The following PEPD variants were observed in gnomAD, a reference collection of about 807,000 sequenced individuals.
The protein encoded by PEPD is xaa-Pro dipeptidase.
Under a neutral mutation model 60.7 loss-of-function variants are expected in PEPD, and 53 were observed. That is an observed-to-expected ratio of 0.87 (90% CI 0.70 to 1.10). The LOEUF (loss-of-function observed/expected upper bound fraction) is 1.10. Among genes scored for constraint, PEPD ranks in the 50% least tolerant of loss-of-function variants. The pLI is 0.00. For missense variants in PEPD, 711 were observed against 711.9 expected, an observed-to-expected ratio of 1.00 and a Z score of 0.01; for synonymous variants, 267 against 284.1, an observed-to-expected ratio of 0.94 and a Z score of 0.60.
chr19:33,492,043 CAAAAAA>C (rs757173823), intron 5 of PEPD, among the ~76,000 whole-genome samples: 3 of 81,560 alleles, frequency 3.7e-5, no homozygotes, highest in African/African-American at 8.5e-5. Context: ...TATTCCATTT[CAAAAAA>C]AAAAAAAAAA....
chr19:33,493,280 A>G lies in PEPD; in HGVS notation c.441+10T>C. 2 of 1,604,240 alleles carry G rather than the reference A, an allele frequency of 1.2e-6. No individual in the cohort carries two copies. Among genetic ancestry groups the G allele is most frequent in the South Asian group, 2.2e-5 (2 of 90,784 alleles). On this transcript the variant is annotated intron_variant, in intron 5 of 14. Transcript: ENST00000244137. ...AAGCACTGCCCCACCCCTGGACACC[A>G]GCCACTTACCAAAGTGAGGAGGACA... is the stretch of plus-strand genomic sequence containing the variant.
chr19:33,392,645 G>A (rs1009476454), intron 12 of PEPD, among the ~76,000 whole-genome samples: 3 of 152,230 alleles, frequency 2.0e-5, no homozygotes, highest in African/African-American at 7.2e-5. Context: ...ACCAGGCGGA[G>A]TGACCTTGGC....
chr19:33,405,680 G>A (rs1267458983), intron 11 of PEPD, among the ~76,000 whole-genome samples: 2 of 152,268 alleles, frequency 1.3e-5, no homozygotes, highest in Non-Finnish European at 2.9e-5. Context: ...CTTCCGTGGA[G>A]TGCCAAGCTC....
At chr19:33,393,552 G>A (rs1012688566) in intron 12 of PEPD, among the ~76,000 whole-genome samples, 1 of 124,384 alleles carries the variant, frequency 8.0e-6, no homozygotes, top group African/African-American at 3.9e-5. Flanking sequence ...GCTGCCGCTG[G>A]TCAAACAAAC....
At position 33,387,464 on chromosome 19, in the gene PEPD, G is replaced by A. The variant is rs772139535; in HGVS notation, c.1362C>T (p.Asp454=). 2.5e-6 allele frequency: 4 copies of A among 1,613,718 alleles called. No individual in the cohort carries two copies. The highest frequency in any genetic ancestry group is 2.2e-5 in the South Asian group (2 of 91,082). The change falls in exon 15 of 15, where the codon GAC becomes GAT. Residue 454 remains aspartate (D), a synonymous_variant. Transcript: ENST00000244137. ...RGFGGVRIEE[D]VVVTDSGIEL... ...CTATGCCGCTGTCAGTCACCACGAC[G>A]TCCTCCTCGATGCGGACCTGGGTCA...
chr19:33,453,746 T>A lies in PEPD; in HGVS notation c.671+9249A>T, dbSNP rs149841202. 1.4e-3 allele frequency among the ~76,000 whole-genome samples: 212 copies of A among 152,330 alleles called. 1 individual carries two copies. Among genetic ancestry groups the A allele is most frequent in the African/African-American group, 4.3e-3 (180 of 41,564 alleles). On this transcript the variant is annotated intron_variant, in intron 9 of 14. Coordinates refer to ENST00000244137, the MANE Select transcript of PEPD (RefSeq NM_000285.4). The stretch of plus-strand genomic sequence containing the variant: ...TGAGGTATACCTGTATATCAATTCA[T>A]TGGATCCTCCTAATCCTCCTATGAA...
At chr19:33,495,425 G>A (rs1170521380) in intron 4 of PEPD, among the ~76,000 whole-genome samples, 3 of 151,432 alleles carry the variant, frequency 2.0e-5, no homozygotes, top group Non-Finnish European at 4.4e-5. Flanking sequence ...TTGAACCCAG[G>A]AGGCGGCAGC....
intron 4 of PEPD, 73 bp from the exon 5 acceptor site, chr19:33,493,410 T>C: frequency 9.8e-7 from 1 of 1,022,382 alleles, no homozygotes; most frequent in Middle Eastern, 2.0e-4. Context: ...CCACCATTCC[T>C]TCATAATGAC....
chr19:33,478,105 G>T lies in PEPD; in HGVS notation c.504-15C>A. The T allele has an allele frequency of 6.3e-7, 1 of 1,596,804 alleles. No individual in the cohort carries two copies. The highest frequency in any genetic ancestry group is 2.2e-5 in the East Asian group (1 of 44,690). On this transcript the variant is annotated splice_polypyrimidine_tract_variant and intron_variant, in intron 6 of 14. Transcript: ENST00000244137. Reference sequence around the variant, plus strand: ...TGACTTCGAACCTGTAGGGCGAAAAGAAATCAAGCCCATTAATCCAACGGT... The same window carrying T: ...TGACTTCGAACCTGTAGGGCGAAAATAAATCAAGCCCATTAATCCAACGGT...
At chr19:33,497,223 C>T (rs62100695) in intron 4 of PEPD, among the ~76,000 whole-genome samples, 18,583 of 152,336 alleles carry the variant, frequency 0.12, 1,553 homozygotes, top group Non-Finnish European at 0.19. Flanking sequence ...CCATCGCTTC[C>T]GATGCCTGTC....
At chr19:33,424,998 A>AAAC (rs920252147) in intron 9 of PEPD, among the ~76,000 whole-genome samples, 1 of 117,614 alleles carries the variant, frequency 8.5e-6, no homozygotes, top group African/African-American at 2.8e-5. Context: ...ACAAAAAAAC[A>AAAC]AACAACAACA....
At chr19:33,404,522 A>T (rs939431693) in intron 11 of PEPD, among the ~76,000 whole-genome samples, 14 of 152,188 alleles carry the variant, frequency 9.2e-5, no homozygotes, top group Non-Finnish European at 1.9e-4. Context: ...ATCATCTAGG[A>T]ATGTAAAAAC....
At chr19:33,457,935 G>A (rs1457186406) in intron 9 of PEPD, among the ~76,000 whole-genome samples, 29 of 152,212 alleles carry the variant, frequency 1.9e-4, no homozygotes, top group Non-Finnish European at 1.5e-5. Context: ...CTGGATTCAC[G>A]GAGAGCTCCA....
At chr19:33,431,992 C>CAAAAAAAAAAAAAAAAAAAAAG (rs906879187) in intron 9 of PEPD, among the ~76,000 whole-genome samples, 1 of 77,866 alleles carries the variant, frequency 1.3e-5, no homozygotes, top group African/African-American at 4.7e-5. Context: ...GACACCACCT[C>CAAAAAAAAAAAAAAAAAAAAAG]AAAAAAAAAA....
intron 9 of PEPD, among the ~76,000 whole-genome samples, chr19:33,444,452 C>T (rs555754647): frequency 2.2e-4 from 34 of 151,292 alleles, no homozygotes; most frequent in Middle Eastern, 3.4e-3. Context: ...GGCCAGGCAG[C>T]GGATGCATGC....
chr19:33,413,064 G>A (rs1038161523), intron 10 of PEPD, among the ~76,000 whole-genome samples: 12 of 152,248 alleles, frequency 7.9e-5, no homozygotes, highest in Non-Finnish European at 1.2e-4. Flanking sequence ...TCGGCACCAT[G>A]TGCCACGAGC....
chr19:33,490,046 G>A lies in PEPD; in HGVS notation c.453C>T (p.Asn151=), dbSNP rs780223752. 6.2e-7 allele frequency: 1 copy of A among 1,612,192 alleles called. No homozygotes were observed. ...CCCTGCAGACACTGCCGCTGTCCGTGTTGACGCCACGCTGGGGAGAGAGAA... is the reference window on the plus strand; with the variant it reads ...CCCTGCAGACACTGCCGCTGTCCGTATTGACGCCACGCTGGGGAGAGAGAA... The part of the protein sequence containing the change: ...PSVLLTLRGV[N]TDSGSVCREA... The change falls in exon 6 of 15, where the codon AAC becomes AAT. Residue 151 remains asparagine, a synonymous_variant. Coordinates refer to ENST00000244137, the MANE Select transcript of PEPD (RefSeq NM_000285.4).
intron 1 of PEPD, among the ~76,000 whole-genome samples, chr19:33,517,371 C>A (rs896709134): frequency 6.6e-6 from 1 of 151,840 alleles, no homozygotes; most frequent in Non-Finnish European, 1.5e-5. Context: ...ACCACCTGGC[C>A]AACATGGTGA....
At chr19:33,505,851 A>G (rs1449148102) in intron 3 of PEPD, among the ~76,000 whole-genome samples, 1 of 131,690 alleles carries the variant, frequency 7.6e-6, no homozygotes, top group Non-Finnish European at 1.7e-5. Context: ...AACACAGCAT[A>G]CTCACACCCA....
Sources: gnomAD v4.1 joint callset for allele counts (sites outside exome capture counted in the v4.1 genomes callset) on GRCh38, gnomAD v4.1.1 for gene constraint, MANE v1.5 for transcripts, NCBI Gene and HGNC (gene_info 2026-07-23, HGNC 2026-07-21) for gene names.